The following DAB1 variants were observed in gnomAD, a reference collection of about 807,000 sequenced individuals.
DAB1 encodes the protein DAB adaptor protein 1.
Under a neutral mutation model 64.6 loss-of-function variants are expected in DAB1, and 15 were observed. The ratio of observed to expected loss-of-function variants is 0.23; its 90% confidence interval spans 0.16 to 0.36. The LOEUF (loss-of-function observed/expected upper bound fraction) is 0.36. Among genes scored for constraint, DAB1 ranks in the 10% least tolerant of loss-of-function variants. DAB1 has a pLI of 1.00. For missense variants in DAB1, 596 were observed against 706.7 expected (o/e 0.84, Z 1.78); for synonymous variants, 235 against 251.9 (o/e 0.93, Z 0.64).
intron 5 of DAB1, among the ~76,000 whole-genome samples, chr1:57,949,567 A>C (rs61308128): frequency 0.45 from 57,195 of 126,306 alleles, 11,664 homozygotes; most frequent in Admixed American, 0.52. Context: ...CACACACACA[A>C]TATATATATA....
intron 4 of DAB1, among the ~76,000 whole-genome samples, chr1:57,116,809 ATAAG>A (rs1656179742): frequency 6.6e-6 from 1 of 152,218 alleles, no homozygotes; most frequent in Non-Finnish European, 1.5e-5. Context: ...AGCAGGAGAA[ATAAG>A]TAATTAGGTG....
intron 6 of DAB1, among the ~76,000 whole-genome samples, chr1:57,754,403 C>T (rs546390085): frequency 2.0e-5 from 3 of 152,144 alleles, no homozygotes; most frequent in South Asian, 2.1e-4. Flanking sequence ...AATTGAGACT[C>T]GGCTGGGCAC....
chr1:57,741,780 C>T (rs763728573), intron 6 of DAB1, among the ~76,000 whole-genome samples: 3 of 152,162 alleles, frequency 2.0e-5, no homozygotes, highest in Admixed American at 6.5e-5. Context: ...CAGTCTTGCA[C>T]GAGCTCAGCT....
At chr1:57,765,253 C>A (rs1649260493) in intron 6 of DAB1, among the ~76,000 whole-genome samples, 1 of 152,248 alleles carries the variant, frequency 6.6e-6, no homozygotes, top group Middle Eastern at 3.4e-3. Flanking sequence ...AGGATATATT[C>A]CCTGGGTCAA....
intron 6 of DAB1, among the ~76,000 whole-genome samples, chr1:57,684,569 G>A (rs1044260193): frequency 2.0e-5 from 3 of 152,048 alleles, no homozygotes; most frequent in East Asian, 3.9e-4. Flanking sequence ...CAAATGCCAA[G>A]GGAATTCATT....
chr1:58,132,239 CGA>C lies in DAB1; in HGVS notation n.387+18270_387+18271del, dbSNP rs1448778558. On this transcript the variant is annotated intron_variant and non_coding_transcript_variant, in intron 5 of 20. Coordinates refer to the DAB1 transcript ENST00000485760. Reference sequence around the variant, plus strand: ...CGATTTTCCAGGTGCGGTCCGTCAGCGATTTCTTTGACTCAGAAAGGGAACTC... The same window carrying C: ...CGATTTTCCAGGTGCGGTCCGTCAGCTTTCTTTGACTCAGAAAGGGAACTC... Among the ~76,000 whole-genome samples the C allele has an allele frequency of 2.0e-5, 3 of 152,166 alleles. No homozygotes were observed. In the East Asian group the frequency reaches 5.8e-4, roughly 29 times the overall value.
intron 3 of DAB1, among the ~76,000 whole-genome samples, chr1:58,352,296 C>T (rs1644065959): frequency 6.6e-6 from 1 of 152,080 alleles, no homozygotes; most frequent in African/African-American, 2.4e-5. Context: ...GTGTATATGC[C>T]AGAGTCTTCT....
intron 4 of DAB1, among the ~76,000 whole-genome samples, chr1:58,332,135 C>A (rs1034826262): frequency 2.0e-5 from 3 of 152,130 alleles, no homozygotes; most frequent in African/African-American, 7.2e-5. Flanking sequence ...TCAGTGATCT[C>A]GATGTGGCTA....
intron 2 of DAB1, among the ~76,000 whole-genome samples, chr1:57,231,847 C>CA (rs1414652271): frequency 6.6e-6 from 1 of 152,218 alleles, no homozygotes; most frequent in Non-Finnish European, 1.5e-5. Context: ...TAAAGACCCT[C>CA]AAGCATGGGA....
chr1:58,474,251 C>G (rs1020702678), intron 3 of DAB1, among the ~76,000 whole-genome samples: 5 of 152,130 alleles, frequency 3.3e-5, no homozygotes, highest in African/African-American at 1.2e-4. Flanking sequence ...ACTGAGCTTT[C>G]GAGAGGCTTA....
At chr1:57,880,880 A>T (rs1189035140) in intron 1 of DAB1, 2 of 152,222 alleles carry the variant, frequency 1.3e-5, no homozygotes, top group Non-Finnish European at 2.9e-5. Context: ...TACATTTTAT[A>T]TCAATAAAAT....
intron 7 of DAB1, among the ~76,000 whole-genome samples, chr1:57,548,820 C>T (rs548641041): frequency 6.6e-6 from 1 of 152,190 alleles, no homozygotes; most frequent in African/African-American, 2.4e-5. Context: ...TCTTCACAGC[C>T]ACAGTAACTA....
At chr1:57,759,992 A>G (rs1219426380) in intron 6 of DAB1, among the ~76,000 whole-genome samples, 1 of 152,210 alleles carries the variant, frequency 6.6e-6, no homozygotes, top group Non-Finnish European at 1.5e-5. Flanking sequence ...ACAACAAAAA[A>G]AGAACATGAA....
intron 5 of DAB1, chr1:58,074,455 A>T (rs1378859265): frequency 9.2e-6 from 1 of 108,208 alleles, no homozygotes; most frequent in African/African-American, 4.2e-5. Flanking sequence ...ACTAGTTGGT[A>T]AAAAAAAAAA....
At chr1:57,648,718 T>A (rs1646222768) in intron 7 of DAB1, among the ~76,000 whole-genome samples, 1 of 152,228 alleles carries the variant, frequency 6.6e-6, no homozygotes, top group South Asian at 2.1e-4. Flanking sequence ...TTATCTGGGC[T>A]TTTAATGGAC....
At chr1:57,225,932 C>A (rs563115864) in intron 2 of DAB1, among the ~76,000 whole-genome samples, 1 of 152,184 alleles carries the variant, frequency 6.6e-6, no homozygotes, top group East Asian at 1.9e-4. Flanking sequence ...TTGTTCCATT[C>A]TGGTTGTCAT....
intron 7 of DAB1, among the ~76,000 whole-genome samples, chr1:57,517,326 C>T (rs1644474651): frequency 6.6e-6 from 1 of 151,906 alleles, no homozygotes; most frequent in Non-Finnish European, 1.5e-5. Flanking sequence ...TATTAATGCA[C>T]TTCGTAGTTT....
At chr1:58,450,593 A>C (rs1645123552) in intron 3 of DAB1, among the ~76,000 whole-genome samples, 1 of 152,076 alleles carries the variant, frequency 6.6e-6, no homozygotes, top group African/African-American at 2.4e-5. Context: ...TCTCTACTAA[A>C]AACACAAAAA....
At chr1:58,206,410 AT>A (rs1310429138) in intron 4 of DAB1, among the ~76,000 whole-genome samples, 1 of 152,072 alleles carries the variant, frequency 6.6e-6, no homozygotes, top group Non-Finnish European at 1.5e-5. Flanking sequence ...CTCAGTTGCT[AT>A]TTTTTTTAAG....
Sources: gnomAD v4.1 joint callset for allele counts (sites outside exome capture counted in the v4.1 genomes callset) on GRCh38, gnomAD v4.1.1 for gene constraint, MANE v1.5 for transcripts, NCBI Gene and HGNC (gene_info 2026-07-23, HGNC 2026-07-21) for gene names.